The following TXNDC16 variants were observed in gnomAD, a reference collection of about 807,000 sequenced individuals.
TXNDC16 encodes thioredoxin domain-containing protein 16.
TXNDC16 carries 74 observed loss-of-function variants against 85.6 expected under a neutral mutation model. The ratio of observed to expected loss-of-function variants is 0.86; its 90% confidence interval spans 0.72 to 1.05. The LOEUF (loss-of-function observed/expected upper bound fraction) is 1.05, where lower values mean the gene tolerates loss of function less well. TXNDC16 is among the 50% of genes least tolerant of loss of function. The pLI, the probability that TXNDC16 is intolerant of heterozygous loss-of-function variation, is 0.00. For synonymous variants in TXNDC16, 335 were observed against 326.5 expected, an observed-to-expected ratio of 1.03 and a Z score of -0.28; for missense variants, 959 against 947.0, an observed-to-expected ratio of 1.01 and a Z score of -0.17.
chr14:52,496,557 A>G (rs2036538383), intron 9 of TXNDC16, among the ~76,000 whole-genome samples: 1 of 151,080 alleles, frequency 6.6e-6, no homozygotes, highest in Admixed American at 6.6e-5. Flanking sequence ...AGTTGGTATA[A>G]TTCTTTTAAA....
chr14:52,545,540 T>G (rs1000792685), intron 1 of TXNDC16, among the ~76,000 whole-genome samples: 2 of 152,126 alleles, frequency 1.3e-5, no homozygotes, highest in South Asian at 4.1e-4. Context: ...GAATAATGAT[T>G]TAACCAAAAC....
intron 18 of TXNDC16, among the ~76,000 whole-genome samples, chr14:52,451,314 T>C (rs1398630814): frequency 7.0e-6 from 1 of 142,286 alleles, no homozygotes; most frequent in Non-Finnish European, 1.5e-5. Context: ...TCCTGGAAAA[T>C]AGAGGAGAAA....
At chr14:52,477,470 G>C (rs2036044533) in intron 14 of TXNDC16, among the ~76,000 whole-genome samples, 1 of 152,032 alleles carries the variant, frequency 6.6e-6, no homozygotes, top group Admixed American at 6.6e-5. Context: ...AAGGTAAAGG[G>C]GTGGAAAAAG....
intron 9 of TXNDC16, among the ~76,000 whole-genome samples, chr14:52,493,215 A>ATAT (rs761008122): frequency 8.3e-6 from 1 of 120,960 alleles, no homozygotes; most frequent in African/African-American, 3.0e-5. Context: ...ATATATATAT[A>ATAT]TACACACACA....
At position 52,482,862 on chromosome 14, in the gene TXNDC16, T is replaced by C; in HGVS notation, c.1212A>G (p.Thr404=). The change falls in exon 13 of 21, where the codon ACA becomes ACG. Residue 404 remains threonine, a synonymous_variant. Coordinates refer to ENST00000281741, the MANE Select transcript of TXNDC16 (RefSeq NM_020784.3). The part of the protein sequence containing the change: ...VELTEETFNA[T]VMASDSIVLF... ...GTACTATGCTGTCAGAAGCCATCACTGTTGCATTAAATGTTTCTTCTGTTA... is the reference window on the plus strand; with the variant it reads ...GTACTATGCTGTCAGAAGCCATCACCGTTGCATTAAATGTTTCTTCTGTTA... The C allele has an allele frequency of 6.2e-7, 1 of 1,612,374 alleles. No homozygotes were observed. The highest frequency in any genetic ancestry group is 8.5e-7 in the Non-Finnish European group (1 of 1,179,410).
chr14:52,513,597 A>G (rs900050398), intron 8 of TXNDC16, among the ~76,000 whole-genome samples: 3 of 151,998 alleles, frequency 2.0e-5, no homozygotes, highest in Non-Finnish European at 4.4e-5. Context: ...AAGCAAAAAA[A>G]TCTTACAGAA....
At chr14:52,472,919 G>A (rs2035941636) in intron 14 of TXNDC16, among the ~76,000 whole-genome samples, 1 of 152,142 alleles carries the variant, frequency 6.6e-6, no homozygotes, top group Non-Finnish European at 1.5e-5. Flanking sequence ...TTTCCAAGAT[G>A]GCCGCTCTGT....
chr14:52,526,742 A>G (rs944584821), intron 6 of TXNDC16, among the ~76,000 whole-genome samples: 2 of 152,232 alleles, frequency 1.3e-5, no homozygotes, highest in South Asian at 2.1e-4. Flanking sequence ...AGACAGCTTC[A>G]GGATGAGGCC....
chr14:52,478,289 C>T (rs527538173), intron 14 of TXNDC16, among the ~76,000 whole-genome samples: 1 of 152,062 alleles, frequency 6.6e-6, no homozygotes, highest in South Asian at 2.1e-4. Flanking sequence ...AAGAACAAAC[C>T]AAATCCGAAC....
Position 52,432,091 on chromosome 14 carries a change from G to T in TXNDC16, c.*213C>A. ...ATTTCGCTATTTTGGGTATACTACT[G>T]GGTGAAAAGTAATATCAAAATTATT... On this transcript the variant is annotated 3_prime_UTR_variant, in exon 21 of 21. Coordinates refer to ENST00000281741, the MANE Select transcript of TXNDC16 (RefSeq NM_020784.3). The T allele has an allele frequency of 2.5e-6, 1 of 404,194 alleles. No homozygotes were observed. The highest frequency in any genetic ancestry group is 4.3e-6 in the Non-Finnish European group (1 of 233,212). 25.0% of individuals were successfully genotyped at this position (404,194 alleles called of 1,614,324 possible). A position where few individuals can be genotyped will look rare whatever the true frequency, so the allele number is the denominator to read the frequency against.
intron 12 of TXNDC16, 53 bp downstream of exon 12, chr14:52,488,310 A>G: frequency 1.3e-6 from 2 of 1,588,754 alleles, no homozygotes; most frequent in Non-Finnish European, 1.7e-6. Flanking sequence ...AATTTCACTG[A>G]CTTTATGGGT....
intron 9 of TXNDC16, among the ~76,000 whole-genome samples, chr14:52,508,837 T>G (rs2036882017): frequency 6.6e-6 from 1 of 152,148 alleles, no homozygotes; most frequent in South Asian, 2.1e-4. Flanking sequence ...AAACACCGCA[T>G]GTTCTTACTT....
intron 20 of TXNDC16, among the ~76,000 whole-genome samples, chr14:52,437,614 A>G (rs1362843616): frequency 3.3e-5 from 5 of 152,122 alleles, no homozygotes; most frequent in Admixed American, 2.0e-4. Context: ...ACAATCAACA[A>G]TGTAAAAAGA....
intron 16 of TXNDC16, among the ~76,000 whole-genome samples, chr14:52,467,104 CAATT>C (rs542544824): frequency 5.0e-4 from 76 of 150,936 alleles, no homozygotes; most frequent in Non-Finnish European, 7.5e-4. Flanking sequence ...AAATAGAAAA[CAATT>C]AAACAGACAT....
intron 9 of TXNDC16, among the ~76,000 whole-genome samples, chr14:52,503,741 T>C (rs983894339): frequency 7.9e-5 from 12 of 152,018 alleles, no homozygotes; most frequent in Non-Finnish European, 1.6e-4. Flanking sequence ...CTTTCATGAG[T>C]TGAGAGAAGA....
intron 14 of TXNDC16, among the ~76,000 whole-genome samples, chr14:52,472,646 A>G (rs1369082383): frequency 6.6e-6 from 1 of 152,216 alleles, no homozygotes. Flanking sequence ...TGAATTTTGT[A>G]TGAGCATATA....
chr14:52,540,944 A>G (rs1240678092), intron 4 of TXNDC16, among the ~76,000 whole-genome samples: 1 of 152,174 alleles, frequency 6.6e-6, no homozygotes, highest in African/African-American at 2.4e-5. Context: ...CTGTAAAATC[A>G]GGAGTTTCAG....
rs765902773 is a variant in TXNDC16, at chr14:52,519,185, G to A, written c.501C>T (p.Ala167=). The A allele has an allele frequency of 6.8e-6, 11 of 1,609,632 alleles. No individual in the cohort carries two copies. The highest frequency in any genetic ancestry group is 1.3e-5 in the African/African-American group (1 of 74,754). Residue 167 remains alanine, a synonymous_variant, in exon 7 of 21, where the codon GCC becomes GCT. Coordinates refer to ENST00000281741, the MANE Select transcript of TXNDC16 (RefSeq NM_020784.3). The part of the protein sequence containing the change: ...KANIIFSYVR[A]IGIPEHRAVM... ...GTTAAAGAATACCTGGTATTCCAAT[G>A]GCTCTTACATATGAGAATATAATAT...
At chr14:52,449,969 G>GC (rs2035370562) in intron 18 of TXNDC16, among the ~76,000 whole-genome samples, 1 of 151,854 alleles carries the variant, frequency 6.6e-6, no homozygotes. Flanking sequence ...ATAGCAATGA[G>GC]CACCTACATC....
Sources: allele counts gnomAD v4.1 joint callset (sites outside exome capture counted in the v4.1 genomes callset), GRCh38; gene constraint gnomAD v4.1.1; transcripts MANE v1.5; gene names NCBI Gene and HGNC (gene_info 2026-07-23, HGNC 2026-07-21).